The following DOCK3 variants were observed in gnomAD, a reference collection of about 807,000 sequenced individuals.
The protein encoded by DOCK3 is dedicator of cytokinesis 3.
DOCK3 carries 60 observed loss-of-function variants against 265.6 expected under a neutral mutation model. That is an observed-to-expected ratio of 0.23 (90% CI 0.18 to 0.28). The LOEUF is 0.28. Among genes scored for constraint, DOCK3 ranks in the 10% least tolerant of loss-of-function variants. The pLI is 1.00. For missense variants in DOCK3, 1,981 were observed against 2,594.3 expected (o/e 0.76, Z 5.14); for synonymous variants, 881 against 938.0 (o/e 0.94, Z 1.11).
chr3:51,124,776 T>A (rs2084188393), intron 9 of DOCK3, among the ~76,000 whole-genome samples: 1 of 152,170 alleles, frequency 6.6e-6, no homozygotes, highest in Non-Finnish European at 1.5e-5. Context: ...AAAGCCAGGC[T>A]TAGGCTAAAA....
rs1375371309 is a variant in DOCK3 at position 51,090,247 on chromosome 3, A to G, written c.609A>G (p.Pro203=). The change falls in exon 9 of 53, where the codon CCA becomes CCG. Residue 203 remains proline (P), a synonymous_variant. Coordinates refer to ENST00000266037, the MANE Select transcript of DOCK3 (RefSeq NM_004947.5). ...QSTSQVDTMR[P]RHGETCRMPV... is the part of the protein sequence containing the mutation. ...CTCATTAGGTAGATACAATGCGCCCACGTCATGGGGAAACATGTCGGATGC... is the reference window on the plus strand; with the variant it reads ...CTCATTAGGTAGATACAATGCGCCCGCGTCATGGGGAAACATGTCGGATGC... 6.3e-7 allele frequency: 1 copy of G among 1,591,808 alleles called. No homozygotes were observed. The highest frequency in any genetic ancestry group is 8.6e-7 in the Non-Finnish European group (1 of 1,168,626).
At chr3:50,749,296 C>T (rs969769134) in intron 1 of DOCK3, among the ~76,000 whole-genome samples, 3 of 152,118 alleles carry the variant, frequency 2.0e-5, no homozygotes, top group African/African-American at 2.4e-5. Context: ...TGCTTTTTAT[C>T]ACTATGTTCT....
At chr3:51,157,803 T>C (rs2085926876) in intron 10 of DOCK3, among the ~76,000 whole-genome samples, 1 of 150,320 alleles carries the variant, frequency 6.7e-6, no homozygotes, top group Admixed American at 6.6e-5. Flanking sequence ...TACCTTTTTT[T>C]TTTTTTTTTT....
chr3:51,233,342 C>T (rs202243849), intron 19 of DOCK3, among the ~76,000 whole-genome samples: 473 of 36,720 alleles, frequency 0.013, 3 homozygotes, highest in African/African-American at 0.033. Flanking sequence ...ATCTATCTAT[C>T]TATCTATCTA....
At chr3:50,882,643 A>G (rs2048107383) in intron 3 of DOCK3, among the ~76,000 whole-genome samples, 2 of 152,198 alleles carry the variant, frequency 1.3e-5, no homozygotes, top group South Asian at 4.1e-4. Context: ...TTGTGGAGAA[A>G]TAGGAGCACT....
intron 3 of DOCK3, among the ~76,000 whole-genome samples, chr3:50,872,857 C>T (rs936309309): frequency 4.6e-5 from 7 of 152,212 alleles, no homozygotes; most frequent in African/African-American, 1.4e-4. Context: ...CAGACTACCA[C>T]CAATATTTTA....
At chr3:51,172,684 T>A (rs1187909971) in intron 12 of DOCK3, among the ~76,000 whole-genome samples, 1 of 152,158 alleles carries the variant, frequency 6.6e-6, no homozygotes, top group Non-Finnish European at 1.5e-5. Context: ...GTTTTATGAT[T>A]TTTTGGTAGT....
intron 23 of DOCK3, among the ~76,000 whole-genome samples, chr3:51,264,496 A>G (rs551032772): frequency 6.6e-6 from 1 of 152,296 alleles, no homozygotes; most frequent in Admixed American, 6.5e-5. Context: ...AAAGAACTAG[A>G]GAAGCAAGAG....
At chr3:51,011,596 G>C (rs1285655697) in intron 5 of DOCK3, among the ~76,000 whole-genome samples, 11 of 152,152 alleles carry the variant, frequency 7.2e-5, no homozygotes. Context: ...AGAGAAGTTT[G>C]ATTGTCTGAA....
At chr3:51,272,666 C>T (rs907306485) in intron 24 of DOCK3, among the ~76,000 whole-genome samples, 1 of 151,980 alleles carries the variant, frequency 6.6e-6, no homozygotes, top group Admixed American at 6.6e-5. Flanking sequence ...TAGATGTTCC[C>T]TTTGACTTAG....
chr3:51,261,732 A>G (rs2079858568), intron 23 of DOCK3, among the ~76,000 whole-genome samples: 1 of 152,088 alleles, frequency 6.6e-6, no homozygotes, highest in South Asian at 2.1e-4. Context: ...TCAGGGGAGG[A>G]GCATCCACCA....
intron 38 of DOCK3, among the ~76,000 whole-genome samples, chr3:51,344,779 C>G (rs2085454494): frequency 6.6e-6 from 1 of 152,304 alleles, no homozygotes; most frequent in South Asian, 2.1e-4. Flanking sequence ...TATTTACTAA[C>G]TCTGTGCAGA....
intron 37 of DOCK3, among the ~76,000 whole-genome samples, chr3:51,340,345 G>A (rs942612850): frequency 2.6e-5 from 4 of 152,190 alleles, no homozygotes; most frequent in Admixed American, 6.5e-5. Context: ...CTTGTCCCTA[G>A]AGAGAAAAGG....
intron 5 of DOCK3, 123 bp from the exon 6 acceptor site, chr3:51,064,325 C>A: frequency 1.6e-6 from 2 of 1,280,260 alleles, no homozygotes; most frequent in Non-Finnish European, 2.1e-6. Context: ...TTAAGTTCCT[C>A]TTTATATTAC....
chr3:51,361,918 C>A lies in DOCK3; in HGVS notation c.5066C>A (p.Ser1689Tyr), dbSNP rs1185601422. 1 of 1,613,078 alleles carries A rather than the reference C, an allele frequency of 6.2e-7. No individual in the cohort carries two copies. Among genetic ancestry groups the A allele is most frequent in the African/African-American group, 1.3e-5 (1 of 74,894 alleles). Reference protein sequence around the residue: ...HSSSSLSSHASSEAGNMVMLG... With the variant: ...HSSSSLSSHAYSEAGNMVMLG... ...TCATCCTCTCTCTCCTCACATGCGTCTAGTGAAGCAGGAAACATGGTGATG... is the reference window on the plus strand; with the variant it reads ...TCATCCTCTCTCTCCTCACATGCGTATAGTGAAGCAGGAAACATGGTGATG... The change falls in exon 48 of 53, where the codon TCT (serine) becomes TAT (tyrosine). Residue 1689 changes from serine to tyrosine, a missense_variant. Transcript: ENST00000266037. The surrounding 1 kb of genome is among the most constrained non-coding windows in gnomAD (Gnocchi z 4.2).
At chr3:51,249,474 A>G (rs1328323107) in intron 22 of DOCK3, among the ~76,000 whole-genome samples, 11 of 81,432 alleles carry the variant, frequency 1.4e-4, no homozygotes, top group Non-Finnish European at 1.7e-4. Context: ...CCCTCTGCCC[A>G]GCCAGCCGCC....
At chr3:50,680,932 C>G (rs755763293) in intron 1 of DOCK3, among the ~76,000 whole-genome samples, 2 of 152,116 alleles carry the variant, frequency 1.3e-5, no homozygotes, top group Non-Finnish European at 2.9e-5. Flanking sequence ...TCTCTTTACT[C>G]TTTTTCCTTT....
Position 51,313,336 on chromosome 3 carries a change from G to A in DOCK3, c.3253+434G>A, listed in dbSNP as rs1229631821. The stretch of plus-strand genomic sequence containing the variant: ...TTAATAAAGATTGAAACATTTATTG[G>A]ATCTCTGGTATTCATGCATCCAGAT... On this transcript the variant is annotated intron_variant, in intron 31 of 52. Coordinates refer to ENST00000266037, the MANE Select transcript of DOCK3 (RefSeq NM_004947.5). Among the ~76,000 whole-genome samples, 4 of 152,178 alleles carry A rather than the reference G, an allele frequency of 2.6e-5. No individual in the cohort carries two copies. In the East Asian group the frequency reaches 7.7e-4, roughly 29 times the overall value.
chr3:50,700,432 T>G (rs1390505736), intron 1 of DOCK3, among the ~76,000 whole-genome samples: 1 of 152,194 alleles, frequency 6.6e-6, no homozygotes, highest in Non-Finnish European at 1.5e-5. Context: ...CCTTTGTTCC[T>G]CCCTACCTTT....
Sources: allele counts gnomAD v4.1 joint callset (sites outside exome capture counted in the v4.1 genomes callset), GRCh38; gene constraint gnomAD v4.1.1; non-coding constraint Gnocchi (gnomAD v3.1); transcripts MANE v1.5; gene names NCBI Gene and HGNC (gene_info 2026-07-23, HGNC 2026-07-21).